The following RGS6 variants were observed in gnomAD, a reference collection of about 807,000 sequenced individuals.
The protein encoded by RGS6 is regulator of G protein signaling 6, also known as regulator of G-protein signaling 6.
Under a neutral mutation model 78.5 loss-of-function variants are expected in RGS6, and 30 were observed. The ratio of observed to expected loss-of-function variants is 0.38; its 90% CI spans 0.29 to 0.52. The LOEUF is 0.52. Ranked by LOEUF, RGS6 falls within the 20% of genes least tolerant of loss-of-function variation. The pLI is 0.85. For synonymous variants in RGS6, 206 were observed against 206.0 expected, an observed-to-expected ratio of 1.00 and a Z score of 0.00; for missense variants, 495 against 609.7, an observed-to-expected ratio of 0.81 and a Z score of 1.98.
At chr14:72,226,674 C>T (rs2048188605) in intron 2 of RGS6, among the ~76,000 whole-genome samples, 1 of 152,120 alleles carries the variant, frequency 6.6e-6, no homozygotes, top group Non-Finnish European at 1.5e-5. Context: ...TTAACAAGAT[C>T]CCCGGGTGAT....
chr14:72,456,430 T>C (rs1187325715), intron 4 of RGS6, among the ~76,000 whole-genome samples: 3 of 152,222 alleles, frequency 2.0e-5, no homozygotes, highest in Non-Finnish European at 4.4e-5. Flanking sequence ...GCTGGGACTA[T>C]AGGCTCCTAG....
chr14:72,342,571 A>C (rs1052899794), intron 2 of RGS6, among the ~76,000 whole-genome samples: 1 of 150,684 alleles, frequency 6.6e-6, no homozygotes, highest in African/African-American at 2.4e-5. Flanking sequence ...GTCTTAAAAA[A>C]AAAAAAAAAC....
At chr14:71,928,404 G>C (rs1479821638), upstream of RGS6, among the ~76,000 whole-genome samples, 3 of 152,180 alleles carry the variant, frequency 2.0e-5, no homozygotes, top group Admixed American at 6.5e-5. Flanking sequence ...GAAAATGTGG[G>C]AGTTTGAGGA....
chr14:72,340,317 A>G (rs780202516), intron 2 of RGS6, among the ~76,000 whole-genome samples: 163 of 152,300 alleles, frequency 1.1e-3, no homozygotes, highest in Non-Finnish European at 1.9e-3. Context: ...TGCCTGGGGA[A>G]GATAATGGCA....
chr14:72,268,339 G>A (rs2059389527), intron 2 of RGS6, among the ~76,000 whole-genome samples: 1 of 152,102 alleles, frequency 6.6e-6, no homozygotes, highest in Non-Finnish European at 1.5e-5. Flanking sequence ...ATTCTGTAAT[G>A]TTTTCTTTCT....
chr14:72,614,436 G>A, the RGS6 span, among the ~76,000 whole-genome samples: 20 of 152,302 alleles, frequency 1.3e-4, no homozygotes, highest in African/African-American at 4.6e-4. Flanking sequence ...ACTTTGCAGA[G>A]GGGAGAGGAG....
At chr14:72,253,755 G>A (rs535429506) in intron 2 of RGS6, among the ~76,000 whole-genome samples, 15 of 152,310 alleles carry the variant, frequency 9.8e-5, no homozygotes, top group African/African-American at 3.6e-4. Context: ...AGTCTTGAGA[G>A]ATACCATTAG....
chr14:72,513,915 A>G (rs1255379400), intron 14 of RGS6: 1 of 152,162 alleles, frequency 6.6e-6, no homozygotes, highest in Non-Finnish European at 1.5e-5. Context: ...CTGAAGGGAG[A>G]AGCAATTAAA....
chr14:72,043,985 C>T (rs1370709723), intron 2 of RGS6, among the ~76,000 whole-genome samples: 1 of 152,086 alleles, frequency 6.6e-6, no homozygotes, highest in Non-Finnish European at 1.5e-5. Flanking sequence ...TCTTCTCTGC[C>T]CACCTCCCAC....
intron 3 of RGS6, among the ~76,000 whole-genome samples, chr14:72,412,845 C>CAGGTT: frequency 6.6e-6 from 1 of 152,222 alleles, no homozygotes; most frequent in South Asian, 2.1e-4. Flanking sequence ...CATTCAGGAG[C>CAGGTT]AGGTTGTTCA....
intron 2 of RGS6, among the ~76,000 whole-genome samples, chr14:72,086,118 G>A (rs990620337): frequency 7.9e-5 from 12 of 152,122 alleles, no homozygotes; most frequent in Non-Finnish European, 1.8e-4. Context: ...TGCACTAAAT[G>A]ATGACTGTCT....
At chr14:72,345,077 A>G (rs1477196177) in intron 2 of RGS6, among the ~76,000 whole-genome samples, 1 of 152,136 alleles carries the variant, frequency 6.6e-6, no homozygotes, top group Admixed American at 6.5e-5. Flanking sequence ...CTGGCCTGAG[A>G]CTTGAGCAGT....
intron 2 of RGS6, among the ~76,000 whole-genome samples, chr14:72,243,438 C>G (rs1228609280): frequency 1.3e-5 from 2 of 151,624 alleles, no homozygotes; most frequent in African/African-American, 4.9e-5. Context: ...AAAAGCATGA[C>G]AAGTGAGAAA....
chr14:72,539,069 C>T (rs1274255067), intron 16 of RGS6, among the ~76,000 whole-genome samples: 1 of 152,196 alleles, frequency 6.6e-6, no homozygotes, highest in Non-Finnish European at 1.5e-5. Flanking sequence ...CCAGGATACA[C>T]TAGCAGGTAT....
chr14:72,205,220 C>T (rs1340211153), intron 2 of RGS6, among the ~76,000 whole-genome samples: 1 of 152,144 alleles, frequency 6.6e-6, no homozygotes, highest in Non-Finnish European at 1.5e-5. Context: ...ACCCCTCCCT[C>T]AGTTGCTCAC....
chr14:71,902,836 T>C, the RGS6 span, among the ~76,000 whole-genome samples: 1 of 152,064 alleles, frequency 6.6e-6, no homozygotes, highest in Non-Finnish European at 1.5e-5. Flanking sequence ...AAAATGGGCA[T>C]TGGCAACATT....
At position 72,149,937 on chromosome 14, in the gene RGS6, C is replaced by A. The variant is rs576389904; in HGVS notation, c.84+185062C>A. ...AGCAGATTAAGATAAGAATCTTGGT[C>A]TTTTTGATCCTGGCTGTGGCTTCAA... On this transcript the variant is annotated intron_variant, in intron 2 of 17. Coordinates refer to ENST00000553525, the MANE Select transcript of RGS6 (RefSeq NM_001204424.2). Among the ~76,000 whole-genome samples the A allele has an allele frequency of 1.1e-4, 17 of 152,242 alleles. No individual in the cohort carries two copies. In the South Asian group the frequency reaches 3.5e-3, roughly 32 times the overall value.
chr14:72,076,107 C>A (rs958482022), intron 2 of RGS6, among the ~76,000 whole-genome samples: 2 of 152,212 alleles, frequency 1.3e-5, no homozygotes, highest in Non-Finnish European at 2.9e-5. Flanking sequence ...ATCTTTACAG[C>A]GTTTACATTT....
At chr14:71,965,125 G>C (rs558343389) in intron 2 of RGS6, among the ~76,000 whole-genome samples, 1 of 152,222 alleles carries the variant, frequency 6.6e-6, no homozygotes, top group Non-Finnish European at 1.5e-5. Flanking sequence ...AAGCAATGCA[G>C]ATGGGAAGAC....
Sources: allele counts gnomAD v4.1 joint callset (sites outside exome capture counted in the v4.1 genomes callset), GRCh38; gene constraint gnomAD v4.1.1; transcripts MANE v1.5; gene names NCBI Gene and HGNC (gene_info 2026-07-23, HGNC 2026-07-21).